Variants in GRHL1 observed in about 807,000 individuals in gnomAD.
GRHL1 encodes the protein grainyhead-like protein 1 homolog.
A neutral mutation model predicts 75.7 loss-of-function variants in GRHL1; 38 were observed. The ratio of observed to expected loss-of-function variants is 0.50; its 90% confidence interval spans 0.39 to 0.66. The LOEUF is 0.66. Ranked by LOEUF, GRHL1 falls within the 30% of genes least tolerant of loss-of-function variation. The pLI, the probability that GRHL1 is intolerant of heterozygous loss-of-function variation, is 0.00. For missense variants in GRHL1, 589 were observed against 767.5 expected, an observed-to-expected ratio of 0.77 and a Z score of 2.75; for synonymous variants, 266 against 279.4, an observed-to-expected ratio of 0.95 and a Z score of 0.48.
intron 2 of GRHL1, among the ~76,000 whole-genome samples, chr2:9,957,347 A>G (rs1667074536): frequency 6.6e-6 from 1 of 151,838 alleles, no homozygotes; most frequent in South Asian, 2.1e-4. Flanking sequence ...CTGTATAAGC[A>G]TCAGTCATTA....
In GRHL1 at chr2:9,961,133, T is replaced by C. The variant is rs750254394; in HGVS notation, c.366T>C (p.Ile122=). The change falls in exon 4 of 16, where the codon ATT becomes ATC. Residue 122 remains isoleucine, a synonymous_variant. Transcript: ENST00000324907. Reference sequence around the variant, plus strand: ...TACTGAAAAATGTGCCATTTAACATTGTCCTTCCCCATGGCAACCAGCTGG... The same window carrying C: ...TACTGAAAAATGTGCCATTTAACATCGTCCTTCCCCATGGCAACCAGCTGG... ...VQVLKNVPFN[I]VLPHGNQLGI... 2.5e-6 allele frequency: 4 copies of C among 1,608,040 alleles called. No homozygotes were observed. Among genetic ancestry groups the C allele is most frequent in the Non-Finnish European group, 3.4e-6 (4 of 1,176,796 alleles).
chr2:10,001,453 T>C lies in GRHL1; in HGVS notation c.*746T>C, dbSNP rs1023757461. ...TATAAATATGGTGTCTGTGTACATA[T>C]AGTGAAGATATGCAGTAAGAGCTAC... On this transcript the variant is annotated 3_prime_UTR_variant, in exon 16 of 16. Transcript: ENST00000324907. 7.9e-5 allele frequency: 12 copies of C among 152,286 alleles called. No homozygotes were observed. Among genetic ancestry groups the C allele is most frequent in the African/African-American group, 2.7e-4 (11 of 41,456 alleles). The allele number at this position is 152,286 out of a possible 1,614,324, so 9.4% of individuals were successfully genotyped here.
chr2:9,952,964 G>A (rs968406898), intron 1 of GRHL1: 4 of 452,950 alleles, frequency 8.8e-6, no homozygotes, highest in Admixed American at 2.4e-5. Flanking sequence ...GATCGCAGAC[G>A]CGGAGTTTAA....
In GRHL1 at chr2:9,970,704, G is replaced by A. The variant is rs192861440; in HGVS notation, c.1110+5323G>A. 1.1e-4 allele frequency among the ~76,000 whole-genome samples: 16 copies of A among 152,286 alleles called. No homozygotes were observed. The East Asian group carries it at 2.7e-3, about 26-fold the overall frequency. On this transcript the variant is annotated intron_variant, in intron 8 of 15. Transcript: ENST00000324907. ...GTCAGAGACAGGACAAAATCAGAGC[G>A]CCTTGTTCCCTGGGGGAAGAAAACC...
chr2:9,961,488 T>C (rs1242465499), intron 4 of GRHL1, 52 bp downstream of exon 4: 1 of 1,500,370 alleles, frequency 6.7e-7, no homozygotes, highest in Non-Finnish European at 9.0e-7. Flanking sequence ...GTATAAGTAT[T>C]GGGTTCCACC....
In GRHL1 at chr2:10,000,776, C is replaced by T; in HGVS notation, c.*69C>T. On this transcript the variant is annotated 3_prime_UTR_variant, in exon 16 of 16. Transcript: ENST00000324907. ...TCTAGATCTTACGGTTTGGCAACTG[C>T]AGGTAACCCCAGTCAGCCATGTCGC... The T allele has an allele frequency of 1.2e-6, 1 of 812,106 alleles. No homozygotes were observed. The highest frequency in any genetic ancestry group is 2.1e-6 in the Non-Finnish European group (1 of 471,742). 50.3% of individuals were successfully genotyped at this position (812,106 alleles called of 1,614,324 possible).
Position 10,000,646 on chromosome 2 carries a change from C to A in GRHL1, c.1796C>A (p.Thr599Asn), listed in dbSNP as rs1669228271. Residue 599 changes from threonine (T) to asparagine (N), a missense_variant, in exon 16 of 16, where the codon ACC becomes AAC. Coordinates refer to ENST00000324907, the MANE Select transcript of GRHL1 (RefSeq NM_198182.3). ...GTGAAGCATTACTCCAATGAGGACA[C>A]CTTCCAGCTGCAGATTGAAGAAGCC... Reference protein sequence around the residue: ...NIVKHYSNEDTFQLQIEEAGG... With the variant: ...NIVKHYSNEDNFQLQIEEAGG... The A allele has an allele frequency of 6.2e-7, 1 of 1,613,608 alleles. No homozygotes were observed. Among genetic ancestry groups the A allele is most frequent in the Non-Finnish European group, 8.5e-7 (1 of 1,179,616 alleles).
chr2:9,953,419 AT>A (rs1351733387), intron 1 of GRHL1, among the ~76,000 whole-genome samples: 2 of 152,286 alleles, frequency 1.3e-5, no homozygotes, highest in East Asian at 1.9e-4. Flanking sequence ...CACTTTGTAT[AT>A]TTCTTTATTT....
chr2:9,998,190 G>A (rs1327460194), intron 14 of GRHL1, among the ~76,000 whole-genome samples: 5 of 152,034 alleles, frequency 3.3e-5, no homozygotes, highest in East Asian at 3.9e-4. Context: ...CAAGTGTAAC[G>A]TTTGATCTAG....
intron 1 of GRHL1, among the ~76,000 whole-genome samples, chr2:9,952,696 C>A (rs1454683136): frequency 1.3e-5 from 2 of 152,068 alleles, no homozygotes; most frequent in Non-Finnish European, 2.9e-5. Context: ...ATAAAATTGT[C>A]CTAAAAATTT....
chr2:9,996,158 A>T (rs1283573732), intron 13 of GRHL1, among the ~76,000 whole-genome samples, 158 bp from the exon 14 acceptor site: 1 of 152,228 alleles, frequency 6.6e-6, no homozygotes, highest in Non-Finnish European at 1.5e-5. Flanking sequence ...TGTGTTCCTT[A>T]AGACAGAATT....
At chr2:9,964,943 T>G (rs1667427909) in intron 7 of GRHL1, 1 of 218,838 alleles carries the variant, frequency 4.6e-6, no homozygotes, top group Non-Finnish European at 9.0e-6. Flanking sequence ...CTTTACCTTT[T>G]GTAATGCTCT....
intron 14 of GRHL1, among the ~76,000 whole-genome samples, chr2:9,996,807 G>C (rs963698831): frequency 6.6e-6 from 1 of 152,186 alleles, no homozygotes; most frequent in African/African-American, 2.4e-5. Context: ...TACTGAACTT[G>C]CATCAAGACC....
chr2:9,997,328 G>A (rs1325858419), intron 14 of GRHL1, among the ~76,000 whole-genome samples: 1 of 152,154 alleles, frequency 6.6e-6, no homozygotes, highest in Non-Finnish European at 1.5e-5. Flanking sequence ...GATTAATAAA[G>A]CAGGGAGATG....
rs1669249980 is a variant in GRHL1, at chr2:10,001,111, G to A, written c.*404G>A. 6.5e-6 allele frequency: 1 copy of A among 154,968 alleles called. No individual in the cohort carries two copies. The highest frequency in any genetic ancestry group is 2.0e-4 in the South Asian group (1 of 4,994). The allele number at this position is 154,968 out of a possible 1,614,324, so 9.6% of individuals were successfully genotyped here. On this transcript the variant is annotated 3_prime_UTR_variant, in exon 16 of 16. Transcript: ENST00000324907. ...AGAAGTCAGAAAAGGCGATAGGCTT[G>A]GCTTTAAGGATTTCGTGCCCTTGCC...
At position 9,987,575 on chromosome 2, in the gene GRHL1, T is replaced by C. The variant is rs527255443; in HGVS notation, c.1269+1293T>C. Among the ~76,000 whole-genome samples, 3 of 152,256 alleles carry C rather than the reference T, an allele frequency of 2.0e-5. No homozygotes were observed. In the South Asian group the frequency reaches 6.2e-4, roughly 32 times the overall value. On this transcript the variant is annotated intron_variant, in intron 9 of 15. Coordinates refer to ENST00000324907, the MANE Select transcript of GRHL1 (RefSeq NM_198182.3). The surrounding 1 kb of genome is among the most constrained non-coding windows in gnomAD (Gnocchi z 4.2). Reference sequence around the variant, plus strand: ...CATGGGGAAGGAGAGGTGCGGATTCTTCTCTACAGCCACAGGGAGGCAAGA... The same window carrying C: ...CATGGGGAAGGAGAGGTGCGGATTCCTCTCTACAGCCACAGGGAGGCAAGA...
intron 8 of GRHL1, among the ~76,000 whole-genome samples, chr2:9,972,954 C>T (rs181585268): frequency 4.0e-5 from 6 of 151,744 alleles, no homozygotes; most frequent in African/African-American, 1.2e-4. Context: ...CACATGTGGG[C>T]GGTGTGGGAA....
At position 9,986,134 on chromosome 2, in the gene GRHL1, C is replaced by T; in HGVS notation, c.1121C>T (p.Ser374Phe). ...CTCTTCCCTTGGCAGGTTTTCATCTCTGTGAACTGCTTAAGCACAGATTTC... is the reference window on the plus strand; with the variant it reads ...CTCTTCCCTTGGCAGGTTTTCATCTTTGTGAACTGCTTAAGCACAGATTTC... ...DINDEAKVFI[S>F]VNCLSTDFSS... Residue 374 changes from serine (S) to phenylalanine (F), a missense_variant, in exon 9 of 16, where the codon TCT becomes TTT. By Grantham distance (155) the Ser-to-Phe change is radical. Coordinates refer to ENST00000324907, the MANE Select transcript of GRHL1 (RefSeq NM_198182.3). 6.2e-7 allele frequency: 1 copy of T among 1,609,146 alleles called. No individual in the cohort carries two copies. Among genetic ancestry groups the T allele is most frequent in the Non-Finnish European group, 8.5e-7 (1 of 1,177,888 alleles).
At chr2:9,997,298 G>A (rs1668907232) in intron 14 of GRHL1, among the ~76,000 whole-genome samples, 1 of 152,144 alleles carries the variant, frequency 6.6e-6, no homozygotes, top group African/African-American at 2.4e-5. Context: ...CATTTTTCAG[G>A]TACTGATGAG....
Sources: allele counts gnomAD v4.1 joint callset (sites outside exome capture counted in the v4.1 genomes callset), GRCh38; gene constraint gnomAD v4.1.1; non-coding constraint Gnocchi (gnomAD v3.1); transcripts MANE v1.5; gene names NCBI Gene and HGNC (gene_info 2026-07-23, HGNC 2026-07-21).